The following NKAIN3 variants were observed in gnomAD, a reference collection of about 807,000 sequenced individuals.
NKAIN3 encodes the protein sodium/potassium-transporting ATPase subunit beta-1-interacting protein 3.
In NKAIN3, 25 loss-of-function variants were observed where a neutral mutation model predicts 30.2. That is an observed-to-expected ratio of 0.83 (90% CI 0.60 to 1.16). The LOEUF is 1.16. NKAIN3 is among the 50% of genes most tolerant of loss of function. NKAIN3 has a pLI of 0.00. For missense variants in NKAIN3, 225 were observed against 254.1 expected (o/e 0.89, Z 0.78); for synonymous variants, 91 against 89.6 (o/e 1.02, Z -0.09).
At chr8:62,439,681 G>A (rs914493892) in intron 1 of NKAIN3, among the ~76,000 whole-genome samples, 1 of 152,178 alleles carries the variant, frequency 6.6e-6, no homozygotes, top group Non-Finnish European at 1.5e-5. Flanking sequence ...AATGCTGAAT[G>A]TTTGGAACAT....
chr8:62,628,351 C>T (rs1452541586), intron 3 of NKAIN3, among the ~76,000 whole-genome samples: 8 of 152,082 alleles, frequency 5.3e-5, no homozygotes. Flanking sequence ...CTAAAGTTTT[C>T]CCGCTGGGTT....
chr8:62,885,435 T>C (rs1821116051), intron 4 of NKAIN3, among the ~76,000 whole-genome samples: 1 of 152,234 alleles, frequency 6.6e-6, no homozygotes, highest in Non-Finnish European at 1.5e-5. Flanking sequence ...CCATGTGAGC[T>C]TGAGAAGAAT....
chr8:62,748,046 C>CTAGA (rs1177245958), intron 4 of NKAIN3, among the ~76,000 whole-genome samples: 2 of 152,202 alleles, frequency 1.3e-5, no homozygotes, highest in African/African-American at 4.8e-5. Flanking sequence ...TATTCATTAT[C>CTAGA]TACTACTATG....
At chr8:62,711,418 G>T (rs932913118) in intron 3 of NKAIN3, among the ~76,000 whole-genome samples, 4 of 152,046 alleles carry the variant, frequency 2.6e-5, no homozygotes, top group Non-Finnish European at 4.4e-5. Flanking sequence ...CTTCTTGGAG[G>T]CTTTGTTTGT....
intron 1 of NKAIN3, among the ~76,000 whole-genome samples, chr8:62,489,242 G>T (rs960526112): frequency 9.9e-5 from 15 of 151,212 alleles, no homozygotes; most frequent in Non-Finnish European, 1.8e-4. Context: ...AGCCAGGATG[G>T]TCTCGATCTC....
At chr8:62,881,043 T>A (rs1413640469) in intron 4 of NKAIN3, among the ~76,000 whole-genome samples, 15 of 152,182 alleles carry the variant, frequency 9.9e-5, no homozygotes, top group Admixed American at 9.8e-4. Flanking sequence ...AAAAATAAAA[T>A]GTTTAATTAA....
At chr8:62,448,573 C>CAATA (rs1805552030) in intron 1 of NKAIN3, among the ~76,000 whole-genome samples, 1 of 151,068 alleles carries the variant, frequency 6.6e-6, no homozygotes, top group African/African-American at 2.4e-5. Context: ...TGAGATTGTA[C>CAATA]AATACATGCA....
rs576191754 is a variant in NKAIN3 at position 62,261,607 on chromosome 8, C to T, written c.54+12480C>T. Among the ~76,000 whole-genome samples the T allele has an allele frequency of 1.8e-4, 28 of 152,310 alleles. No homozygotes were observed. In the South Asian group the frequency reaches 5.4e-3, roughly 29 times the overall value. On this transcript the variant is annotated intron_variant, in intron 1 of 6. Transcript: ENST00000623646. ...AATCAATGGTGAAATGATTGAAATA[C>T]CTTTTGACACCCACATCTGGTTCTT...
At chr8:62,540,027 T>C (rs1229443972) in intron 1 of NKAIN3, among the ~76,000 whole-genome samples, 1 of 152,234 alleles carries the variant, frequency 6.6e-6, no homozygotes, top group African/African-American at 2.4e-5. Flanking sequence ...TCTTGGTGAC[T>C]ATTATGGTAT....
At chr8:62,430,222 A>G (rs2129597411) in intron 1 of NKAIN3, among the ~76,000 whole-genome samples, 1 of 152,018 alleles carries the variant, frequency 6.6e-6, no homozygotes, top group South Asian at 2.1e-4. Flanking sequence ...TTTTATAGGT[A>G]CATTGCATTT....
intron 4 of NKAIN3, among the ~76,000 whole-genome samples, chr8:62,850,483 G>T (rs966155413): frequency 6.6e-6 from 1 of 151,930 alleles, no homozygotes; most frequent in Non-Finnish European, 1.5e-5. Flanking sequence ...GTCAATTTTG[G>T]CTTTTGTTGC....
intron 1 of NKAIN3, among the ~76,000 whole-genome samples, chr8:62,480,009 G>A (rs1806662000): frequency 6.6e-6 from 1 of 152,086 alleles, no homozygotes; most frequent in South Asian, 2.1e-4. Flanking sequence ...GTTTTTAAAG[G>A]AACACTTTGT....
At chr8:62,805,107 C>T (rs1818225761) in intron 4 of NKAIN3, among the ~76,000 whole-genome samples, 2 of 152,132 alleles carry the variant, frequency 1.3e-5, no homozygotes, top group East Asian at 1.9e-4. Context: ...ACGTGAAGGA[C>T]CTCTTCAAGG....
chr8:62,953,531 A>G (rs1823341290), intron 5 of NKAIN3, among the ~76,000 whole-genome samples: 1 of 151,320 alleles, frequency 6.6e-6, no homozygotes, highest in South Asian at 2.1e-4. Flanking sequence ...ATTCTTAAGG[A>G]AAAAAAAGGA....
chr8:62,682,527 G>A (rs889934840), intron 3 of NKAIN3, among the ~76,000 whole-genome samples: 44 of 152,172 alleles, frequency 2.9e-4, no homozygotes, highest in Admixed American at 2.0e-3. Flanking sequence ...GGCAGGTGGG[G>A]AGGCATGAAA....
intron 4 of NKAIN3, among the ~76,000 whole-genome samples, chr8:62,825,926 C>T (rs1380727331): frequency 1.3e-5 from 2 of 152,088 alleles, no homozygotes; most frequent in Non-Finnish European, 2.9e-5. Context: ...GGAAGGGCAC[C>T]GCAGCAGCCA....
intron 1 of NKAIN3, among the ~76,000 whole-genome samples, chr8:62,278,594 G>A (rs1813048677): frequency 6.7e-6 from 1 of 148,856 alleles, no homozygotes; most frequent in South Asian, 2.1e-4. Context: ...TGTTCTCATT[G>A]TTCAGTTCAC....
rs78844394 is a variant in NKAIN3, at chr8:62,961,706, A to G, written c.604-3648A>G. ...TATTTGCAATTCTTGACAAAATGTT[A>G]ACATCTTTAGTCATAAATGAACTCT... On this transcript the variant is annotated intron_variant, in intron 6 of 6. Transcript: ENST00000623646. 9.5e-3 allele frequency among the ~76,000 whole-genome samples: 1,451 copies of G among 152,328 alleles called. 25 individuals carry two copies. Among genetic ancestry groups the G allele is most frequent in the African/African-American group, 0.034 (1,397 of 41,576 alleles).
intron 1 of NKAIN3, among the ~76,000 whole-genome samples, chr8:62,415,771 A>T (rs1182835185): frequency 2.0e-5 from 3 of 150,482 alleles, no homozygotes; most frequent in Non-Finnish European, 3.0e-5. Context: ...TATTATTATT[A>T]TTTTGAGACA....
Sources: allele counts gnomAD v4.1 joint callset (sites outside exome capture counted in the v4.1 genomes callset), GRCh38; gene constraint gnomAD v4.1.1; transcripts MANE v1.5; gene names NCBI Gene and HGNC (gene_info 2026-07-23, HGNC 2026-07-21).